CEP350: variants seen among roughly 807,000 people sequenced by gnomAD.
CEP350 encodes centrosome-associated protein 350.
In CEP350, 126 loss-of-function variants were observed where a neutral mutation model predicts 331.8. That is an observed-to-expected ratio of 0.38 (90% CI 0.33 to 0.44). CEP350 has a LOEUF of 0.44. CEP350 is among the 20% of genes least tolerant of loss of function. The probability of loss-of-function intolerance (pLI) is 1.00; values close to 1 mark genes in which losing one functional copy is unlikely to be tolerated. For synonymous variants in CEP350, 1,200 were observed against 1,259.5 expected (o/e 0.95, Z 1.00); for missense variants, 3,406 against 3,634.6 (o/e 0.94, Z 1.62).
chr1:180,103,065 G>C (rs1352497891), intron 37 of CEP350, among the ~76,000 whole-genome samples: 1 of 152,214 alleles, frequency 6.6e-6, no homozygotes, highest in Non-Finnish European at 1.5e-5. Context: ...AGATTTTATA[G>C]GCAGGCTTTA....
chr1:180,003,236 T>C lies in CEP350; in HGVS notation c.1081T>C (p.Phe361Leu). ...TGGGAAAGTGTGGCAGGAGGCTGAG[T>C]TTCAAAACATGAGTAGAGAACTGTA... Reference protein sequence around the residue: ...PDGKVWQEAEFQNMSRELYRD... With the variant: ...PDGKVWQEAELQNMSRELYRD... Residue 361 changes from phenylalanine (F) to leucine (L), a missense_variant, in exon 7 of 38, where the codon TTT becomes CTT. Physicochemically the swap from Phe to Leu is conservative, Grantham distance 22 (BLOSUM62 0). This residue lies in a region of CEP350 where 1,857 missense variants were observed against 1,909.2 expected (regional missense o/e 0.97). Coordinates refer to ENST00000367607, the MANE Select transcript of CEP350 (RefSeq NM_014810.5). The C allele has an allele frequency of 6.2e-7, 1 of 1,613,242 alleles. No individual in the cohort carries two copies. Among genetic ancestry groups the C allele is most frequent in the Non-Finnish European group, 8.5e-7 (1 of 1,179,614 alleles).
chr1:180,106,957 G>A (rs1661181331), intron 37 of CEP350, among the ~76,000 whole-genome samples: 1 of 151,946 alleles, frequency 6.6e-6, no homozygotes, highest in African/African-American at 2.4e-5. Context: ...GTTAAATGTG[G>A]CCCATTGTTC....
At chr1:180,078,228 A>G (rs1305864166) in intron 28 of CEP350, among the ~76,000 whole-genome samples, 1 of 152,198 alleles carries the variant, frequency 6.6e-6, no homozygotes, top group Non-Finnish European at 1.5e-5. Context: ...CCATACATCA[A>G]GACTTCTAAG....
chr1:180,025,199 A>G (rs1655591735), intron 14 of CEP350, among the ~76,000 whole-genome samples: 1 of 152,178 alleles, frequency 6.6e-6, no homozygotes. Flanking sequence ...GCTGGGACAC[A>G]TGACTTTATT....
chr1:180,022,410 A>T (rs1386803085), intron 12 of CEP350, among the ~76,000 whole-genome samples: 1 of 152,122 alleles, frequency 6.6e-6, no homozygotes, highest in Non-Finnish European at 1.5e-5. Context: ...AGGTAGTAGG[A>T]GGTTTATTTG....
At chr1:180,015,789 T>A in intron 10 of CEP350, 60 bp from the exon 11 acceptor site, 1 of 1,555,232 alleles carries the variant, frequency 6.4e-7, no homozygotes, top group Middle Eastern at 1.7e-4. Context: ...TTAACTTAGG[T>A]GCTACCTGAA....
At chr1:179,991,367 A>G (rs2148689703) in intron 4 of CEP350, among the ~76,000 whole-genome samples, 1 of 143,284 alleles carries the variant, frequency 7.0e-6, no homozygotes, top group Middle Eastern at 3.7e-3. Context: ...CCCAGGCTGA[A>G]GTGCAGTGGC....
chr1:180,107,002 A>T (rs1174988938), intron 37 of CEP350, among the ~76,000 whole-genome samples: 1 of 152,092 alleles, frequency 6.6e-6, no homozygotes, highest in African/African-American at 2.4e-5. Context: ...TCTTTCTTTG[A>T]ACATAATTAT....
At chr1:180,063,186 CTTTTTTTTT>C (rs35572192) in intron 26 of CEP350, among the ~76,000 whole-genome samples, 1 of 106,966 alleles carries the variant, frequency 9.3e-6, no homozygotes, top group Non-Finnish European at 1.8e-5. Flanking sequence ...AAATTTGAAA[CTTTTTTTTT>C]TTTTTTTTTT....
At chr1:180,087,037 CATA>C (rs1659908843) in intron 31 of CEP350, 2 of 152,172 alleles carry the variant, frequency 1.3e-5, no homozygotes, top group Non-Finnish European at 2.9e-5. Context: ...CCTTATATTT[CATA>C]CAAATTATAA....
At position 180,087,702 on chromosome 1, in the gene CEP350, T is replaced by C; in HGVS notation, c.6410T>C (p.Leu2137Pro). 1 of 1,577,662 alleles carries C rather than the reference T, an allele frequency of 6.3e-7. No homozygotes were observed. Residue 2137 changes from leucine to proline, a missense_variant, in exon 32 of 38, where the codon CTC becomes CCC. Transcript: ENST00000367607. ...TCTGAAAAACCCAAGATCAAACCCC[T>C]CACACCACTACACAGGTAGAAATTT... ...SASEKPKIKP[L>P]TPLHRSETAK...
In CEP350 at chr1:179,986,789, A is replaced by G. The variant is rs553486647; in HGVS notation, c.74-451A>G. ...TATGGAAAATACACGACCTTAAACT[A>G]TTTGAAGGGTTGTTATCTGAAAGAC... is the stretch of plus-strand genomic sequence containing the variant. On this transcript the variant is annotated intron_variant, in intron 2 of 37. Coordinates refer to ENST00000367607, the MANE Select transcript of CEP350 (RefSeq NM_014810.5). 2.6e-5 allele frequency among the ~76,000 whole-genome samples: 4 copies of G among 152,282 alleles called. No individual in the cohort carries two copies. In the South Asian group the frequency reaches 6.2e-4, roughly 24 times the overall value.
chr1:180,007,365 GATGGGTTTTTTTTC>G (rs1388168298), intron 8 of CEP350, among the ~76,000 whole-genome samples: 1 of 152,148 alleles, frequency 6.6e-6, no homozygotes, highest in African/African-American at 2.4e-5. Context: ...GACCAGTGAT[GATGGGTTTTTTTTC>G]ATGTTTGTTG....
intron 22 of CEP350, among the ~76,000 whole-genome samples, chr1:180,051,915 C>T (rs9425853): frequency 0.19 from 29,155 of 151,948 alleles, 3,137 homozygotes; most frequent in African/African-American, 0.28. Context: ...AATAAGTAAA[C>T]GAGTGTTGGA....
intron 1 of CEP350, among the ~76,000 whole-genome samples, chr1:179,968,504 AATG>A (rs1246579455): frequency 1.3e-5 from 2 of 152,210 alleles, no homozygotes; most frequent in African/African-American, 4.8e-5. Context: ...AAAGGCTTCC[AATG>A]AAAGAAAAAT....
chr1:180,020,412 C>G lies in CEP350; in HGVS notation c.2638C>G (p.Pro880Ala). 2 of 1,613,848 alleles carry G rather than the reference C, an allele frequency of 1.2e-6. No individual in the cohort carries two copies. Among genetic ancestry groups the G allele is most frequent in the Non-Finnish European group, 8.5e-7 (1 of 1,179,890 alleles). The change falls in exon 12 of 38, where the codon CCT becomes GCT. Residue 880 changes from proline to alanine, a missense_variant. Coordinates refer to ENST00000367607, the MANE Select transcript of CEP350 (RefSeq NM_014810.5). ...DGPWTKAVTPPVKDDNEDVFS... is the reference protein window; with the variant it reads ...DGPWTKAVTPAVKDDNEDVFS... The stretch of plus-strand genomic sequence containing the variant: ...ACCTTGGACCAAGGCTGTAACTCCA[C>G]CTGTGAAAGATGATAATGAAGATGT...
chr1:180,042,130 T>A (rs1656798564), intron 19 of CEP350, among the ~76,000 whole-genome samples: 1 of 69,114 alleles, frequency 1.4e-5, no homozygotes, highest in Non-Finnish European at 3.7e-5. Flanking sequence ...GTGAGTTTTC[T>A]CTCACACACA....
At chr1:179,988,799 AATCTT>A (rs1375522925) in intron 3 of CEP350, among the ~76,000 whole-genome samples, 3 of 151,902 alleles carry the variant, frequency 2.0e-5, no homozygotes, top group African/African-American at 7.3e-5. Context: ...TCTGTCCTCT[AATCTT>A]TAGAACTAGT....
intron 1 of CEP350, among the ~76,000 whole-genome samples, chr1:179,981,042 A>G (rs1246378244): frequency 6.6e-6 from 1 of 152,188 alleles, no homozygotes; most frequent in Non-Finnish European, 1.5e-5. Context: ...AAATACTAAA[A>G]CACATTTCTC....
Sources: gnomAD v4.1 joint callset for allele counts (sites outside exome capture counted in the v4.1 genomes callset) on GRCh38, gnomAD v4.1.1 for gene constraint, gnomAD v4.1.1 regional missense constraint, MANE v1.5 for transcripts, NCBI Gene and HGNC (gene_info 2026-07-23, HGNC 2026-07-21) for gene names.